The following AKAP19 variants were observed in gnomAD, a reference collection of about 807,000 sequenced individuals.
AKAP19 encodes the protein A-kinase anchoring protein 19, also known as small A-kinase anchoring protein.
At chr2:189,994,016 CT>C in the AKAP19 span, among the ~76,000 whole-genome samples, 201 of 141,692 alleles carry the variant, frequency 1.4e-3, no homozygotes, top group Middle Eastern at 3.6e-3. Context: ...CTGCTCTGAT[CT>C]TTTTTTTTTT....
At chr2:190,012,197 T>C in the AKAP19 span, among the ~76,000 whole-genome samples, 1 of 152,190 alleles carries the variant, frequency 6.6e-6, no homozygotes, top group Non-Finnish European at 1.5e-5. Context: ...CAATCTCAGC[T>C]CACTGCAGCC....
the AKAP19 span, among the ~76,000 whole-genome samples, chr2:190,025,056 T>C: frequency 6.6e-6 from 1 of 152,176 alleles, no homozygotes; most frequent in African/African-American, 2.4e-5. Context: ...CTCTTTGCAT[T>C]TTAGCTTTCA....
chr2:190,080,448 G>A, the AKAP19 span, among the ~76,000 whole-genome samples: 1 of 152,198 alleles, frequency 6.6e-6, no homozygotes, highest in Admixed American at 6.5e-5. Flanking sequence ...AGGGAGTCAA[G>A]GTTTAACAGA....
At chr2:190,039,531 A>G in the AKAP19 span, among the ~76,000 whole-genome samples, 1 of 151,908 alleles carries the variant, frequency 6.6e-6, no homozygotes, top group Non-Finnish European at 1.5e-5. Context: ...TCTTTTTTTT[A>G]ACTTTTAAGT....
At chr2:189,879,593 T>A in the AKAP19 span, 1 of 152,040 alleles carries the variant, frequency 6.6e-6, no homozygotes, top group Admixed American at 6.6e-5. Context: ...CCTCCACAAG[T>A]CCTTACAACA....
chr2:189,918,970 G>A, the AKAP19 span, among the ~76,000 whole-genome samples: 2 of 152,192 alleles, frequency 1.3e-5, no homozygotes, highest in African/African-American at 4.8e-5. Flanking sequence ...TTTCCATGGT[G>A]TTAGTTACCT....
the AKAP19 span, among the ~76,000 whole-genome samples, chr2:190,152,391 G>A: frequency 5.9e-5 from 9 of 152,036 alleles, no homozygotes; most frequent in African/African-American, 2.2e-4. Context: ...TTATTTAAAA[G>A]TCCATCTTAA....
chr2:190,115,053 C>G, the AKAP19 span, among the ~76,000 whole-genome samples: 1 of 149,688 alleles, frequency 6.7e-6, no homozygotes, highest in Non-Finnish European at 1.5e-5. Context: ...AATCTACTCC[C>G]TTGGTTAATG....
At chr2:190,091,467 A>G in the AKAP19 span, among the ~76,000 whole-genome samples, 1 of 151,974 alleles carries the variant, frequency 6.6e-6, no homozygotes, top group Non-Finnish European at 1.5e-5. Context: ...TACTTTTGAA[A>G]GTAAAGAACT....
the AKAP19 span, among the ~76,000 whole-genome samples, chr2:190,078,791 A>G: frequency 6.6e-6 from 1 of 152,160 alleles, no homozygotes; most frequent in Non-Finnish European, 1.5e-5. Context: ...TCTATCTTTT[A>G]GGATTTTACC....
the AKAP19 span, among the ~76,000 whole-genome samples, chr2:189,894,393 T>A: frequency 2.6e-5 from 4 of 152,172 alleles, no homozygotes; most frequent in African/African-American, 7.2e-5. Flanking sequence ...TCTTACCTAT[T>A]TCTTCCACAG....
At chr2:190,023,911 C>T in the AKAP19 span, among the ~76,000 whole-genome samples, 213 of 151,308 alleles carry the variant, frequency 1.4e-3, 2 homozygotes, top group African/African-American at 5.0e-3. Context: ...ATTGCAATGA[C>T]GTCTTTTAGA....
chr2:190,152,796 T>C, the AKAP19 span, among the ~76,000 whole-genome samples: 1 of 152,222 alleles, frequency 6.6e-6, no homozygotes, highest in East Asian at 1.9e-4. Flanking sequence ...TTTATATCCT[T>C]TTTATTAGAA....
At chr2:190,020,145 T>A in the AKAP19 span, among the ~76,000 whole-genome samples, 1 of 152,202 alleles carries the variant, frequency 6.6e-6, no homozygotes, top group East Asian at 1.9e-4. Context: ...ACTTAACTGA[T>A]CTTAATAGGC....
At chr2:189,996,499 AT>A in the AKAP19 span, among the ~76,000 whole-genome samples, 1 of 151,468 alleles carries the variant, frequency 6.6e-6, no homozygotes, top group Non-Finnish European at 1.5e-5. Context: ...CATATCCTGT[AT>A]TGTTTTTTTA....
chr2:189,959,854 A>G, the AKAP19 span, among the ~76,000 whole-genome samples: 1 of 152,220 alleles, frequency 6.6e-6, no homozygotes, highest in Non-Finnish European at 1.5e-5. Flanking sequence ...GTAATGTTAT[A>G]TTCATTTGAA....
chr2:190,120,874 C>T, the AKAP19 span, among the ~76,000 whole-genome samples: 2 of 152,092 alleles, frequency 1.3e-5, no homozygotes, highest in African/African-American at 4.8e-5. Context: ...ATTTACCTTA[C>T]AGGATTGTTG....
the AKAP19 span, among the ~76,000 whole-genome samples, chr2:190,198,430 C>T: frequency 3.9e-5 from 6 of 152,080 alleles, no homozygotes; most frequent in Non-Finnish European, 7.4e-5. Flanking sequence ...CACTTGACCC[C>T]GGGAGTTCAA....
chr2:190,203,334 C>CACTA, the AKAP19 span: 3 of 167,106 alleles, frequency 1.8e-5, no homozygotes, highest in South Asian at 6.2e-4. Context: ...AGTTCAGAAG[C>CACTA]ACTACCTGCA....
Sources: gnomAD v4.1 joint callset for allele counts (sites outside exome capture counted in the v4.1 genomes callset) on GRCh38, gnomAD v4.1.1 for gene constraint, MANE v1.5 for transcripts, NCBI Gene and HGNC (gene_info 2026-07-23, HGNC 2026-07-21) for gene names.